TPH2: variants seen among roughly 807,000 people sequenced by gnomAD.
The protein encoded by TPH2 is tryptophan 5-hydroxylase 2.
A neutral mutation model predicts 59.1 loss-of-function variants in TPH2; 27 were observed. The observed-to-expected ratio is 0.46, with a 90% CI of 0.34 to 0.63. The LOEUF is 0.63. Ranked by LOEUF, TPH2 falls within the 30% of genes least tolerant of loss-of-function variation. TPH2 has a pLI of 0.01. For missense variants in TPH2, 523 were observed against 588.3 expected (o/e 0.89, Z 1.15); for synonymous variants, 220 against 210.5 (o/e 1.05, Z -0.39).
rs1873738094 is a variant in TPH2, at chr12:72,032,068, T to C, written c.*373T>C. The C allele has an allele frequency of 4.3e-6, 1 of 231,634 alleles. No individual in the cohort carries two copies. Among genetic ancestry groups the C allele is most frequent in the Non-Finnish European group, 8.7e-6 (1 of 115,340 alleles). The allele number at this position is 231,634 out of a possible 1,614,324, so 14.3% of individuals were successfully genotyped here. A position where few individuals can be genotyped will look rare whatever the true frequency, so the allele number is the denominator to read the frequency against. ...TTTCCTCTGTGTTCATTAGATAAAA[T>C]GAAAAAAAGCAGTGAAGCTGTTTCC... On this transcript the variant is annotated 3_prime_UTR_variant, in exon 11 of 11. Coordinates refer to ENST00000333850, the MANE Select transcript of TPH2 (RefSeq NM_173353.4).
intron 5 of TPH2, among the ~76,000 whole-genome samples, chr12:71,967,181 G>C (rs1473031932): frequency 6.6e-6 from 1 of 152,156 alleles, no homozygotes; most frequent in East Asian, 1.9e-4. Flanking sequence ...CAAAATAACT[G>C]TATCTATACC....
rs149204688 is a variant in TPH2, at chr12:71,950,763, C to T, written c.608+1108C>T. Among the ~76,000 whole-genome samples the T allele has an allele frequency of 8.9e-4, 135 of 152,252 alleles. 4 individuals are homozygous for T. In the East Asian group the frequency reaches 0.014, roughly 16 times the overall value. On this transcript the variant is annotated intron_variant, in intron 5 of 10. Coordinates refer to ENST00000333850, the MANE Select transcript of TPH2 (RefSeq NM_173353.4). The stretch of plus-strand genomic sequence containing the variant: ...ACTGTCCTGTGAGGCGAATTTTTCA[C>T]TGGTGAAAGTTTAGAACATTACGTG...
intron 8 of TPH2, among the ~76,000 whole-genome samples, chr12:72,001,457 C>T (rs1171813165): frequency 1.3e-5 from 2 of 149,558 alleles, no homozygotes; most frequent in African/African-American, 4.9e-5. Context: ...ACAGAGTTCT[C>T]TCTCGTTGCC....
intron 5 of TPH2, among the ~76,000 whole-genome samples, chr12:71,958,565 G>A (rs546792420): frequency 3.3e-5 from 5 of 152,264 alleles, no homozygotes; most frequent in East Asian, 1.9e-4. Context: ...CCTGTTTCTC[G>A]CAGGTTGTTG....
intron 4 of TPH2, among the ~76,000 whole-genome samples, chr12:71,947,856 A>G (rs1871237859): frequency 6.6e-6 from 1 of 152,176 alleles, no homozygotes; most frequent in Non-Finnish European, 1.5e-5. Flanking sequence ...TTTGCAGAAG[A>G]GAGGCAGTTG....
chr12:71,983,068 TA>T (rs57766617), intron 7 of TPH2, among the ~76,000 whole-genome samples: 126,545 of 149,960 alleles, frequency 0.84, 53,359 homozygotes, highest in East Asian at 0.95. Flanking sequence ...TCTATAAAAA[TA>T]AAAAAAAAAA....
intron 7 of TPH2, among the ~76,000 whole-genome samples, chr12:71,987,100 C>T (rs926246051): frequency 6.6e-6 from 1 of 152,144 alleles, no homozygotes; most frequent in Admixed American, 6.5e-5. Flanking sequence ...AGGATTGTCA[C>T]CATTTTACAG....
intron 8 of TPH2, among the ~76,000 whole-genome samples, chr12:71,998,356 A>T (rs1275412397): frequency 6.6e-6 from 1 of 152,194 alleles, no homozygotes; most frequent in South Asian, 2.1e-4. Context: ...TGTGGAGAGT[A>T]TGGAGGAGGA....
At chr12:71,949,492 A>T in intron 4 of TPH2, 96 bp from the exon 5 acceptor site, 1 of 992,314 alleles carries the variant, frequency 1.0e-6, no homozygotes, top group South Asian at 1.3e-5. Flanking sequence ...TTTACATATG[A>T]ATTGAACACT....
intron 8 of TPH2, among the ~76,000 whole-genome samples, chr12:72,007,184 TC>T (rs1335348581): frequency 6.6e-6 from 1 of 150,872 alleles, no homozygotes; most frequent in Non-Finnish European, 1.5e-5. Context: ...AGGTAAGGCC[TC>T]CCCTAAGAGA....
intron 8 of TPH2, among the ~76,000 whole-genome samples, chr12:71,998,727 A>T (rs1337657852): frequency 6.6e-6 from 1 of 152,186 alleles, no homozygotes; most frequent in Non-Finnish European, 1.5e-5. Flanking sequence ...GCCAGATGAG[A>T]AATAGAGGTA....
intron 5 of TPH2, among the ~76,000 whole-genome samples, chr12:71,952,887 C>T (rs1226927917): frequency 6.6e-6 from 1 of 152,198 alleles, no homozygotes; most frequent in African/African-American, 2.4e-5. Context: ...ATAAATGTCA[C>T]TTATATTATT....
chr12:71,961,596 C>T lies in TPH2; in HGVS notation c.609-10923C>T, dbSNP rs561917079. 7 of 1,352,114 alleles carry T rather than the reference C, an allele frequency of 5.2e-6. No homozygotes were observed. In the African/African-American group the frequency reaches 8.8e-5, roughly 17 times the overall value. 83.8% of individuals were successfully genotyped at this position (1,352,114 alleles called of 1,614,324 possible). The stretch of plus-strand genomic sequence containing the variant: ...TGCTATTGGCGACTGGGAATTTCAG[C>T]TCTTTTCTGTATCAAGTTCTTTGAG... On this transcript the variant is annotated intron_variant, in intron 5 of 10. Coordinates refer to ENST00000333850, the MANE Select transcript of TPH2 (RefSeq NM_173353.4).
chr12:71,970,757 C>G (rs1031769663), intron 5 of TPH2, among the ~76,000 whole-genome samples: 1 of 152,182 alleles, frequency 6.6e-6, no homozygotes, highest in Admixed American at 6.5e-5. Flanking sequence ...CTTGATCTTC[C>G]CAGCAAATAT....
Position 71,994,454 on chromosome 12 carries a change from AC to A in TPH2, c.958del (p.Leu320SerfsTer20). The A allele has an allele frequency of 6.2e-7, 1 of 1,613,862 alleles. No individual in the cohort carries two copies. Among genetic ancestry groups the A allele is most frequent in the Non-Finnish European group, 8.5e-7 (1 of 1,179,846 alleles). On this transcript the variant is annotated frameshift_variant, in exon 8 of 11. Coordinates refer to ENST00000333850, the MANE Select transcript of TPH2 (RefSeq NM_173353.4). LOFTEE classifies it high-confidence loss of function. ...TTTTTGTCAGAGACACATGCCATGAACTCTTGGGACATGTTCCACTACTTGC... is the reference window on the plus strand; with the variant it reads ...TTTTTGTCAGAGACACATGCCATGAATCTTGGGACATGTTCCACTACTTGC... The part of the protein sequence containing the change: ...YTPEPDTCHE[L>X]LGHVPLLADP...
intron 8 of TPH2, among the ~76,000 whole-genome samples, chr12:72,015,930 C>T (rs1364638078): frequency 1.3e-5 from 2 of 152,158 alleles, no homozygotes; most frequent in East Asian, 1.9e-4. Context: ...TACACTCATC[C>T]TGGAAATATT....
intron 8 of TPH2, among the ~76,000 whole-genome samples, chr12:72,013,642 AG>A (rs1188908947): frequency 1.4e-4 from 22 of 152,250 alleles, no homozygotes; most frequent in African/African-American, 5.3e-4. Flanking sequence ...TGTTTGTGGT[AG>A]GAGTAAAAAC....
At chr12:71,974,619 T>C (rs1872064807) in intron 6 of TPH2, among the ~76,000 whole-genome samples, 1 of 152,196 alleles carries the variant, frequency 6.6e-6, no homozygotes, top group Admixed American at 6.5e-5. Flanking sequence ...CTGCAAAGTC[T>C]CTTTTGCCAT....
intron 8 of TPH2, among the ~76,000 whole-genome samples, chr12:72,003,046 A>T (rs1393185005): frequency 6.6e-6 from 1 of 152,222 alleles, no homozygotes; most frequent in Non-Finnish European, 1.5e-5. Flanking sequence ...ATTGCTAATT[A>T]ATATTTTCCT....
Sources: allele counts gnomAD v4.1 joint callset (sites outside exome capture counted in the v4.1 genomes callset), GRCh38; gene constraint gnomAD v4.1.1; transcripts MANE v1.5; gene names NCBI Gene and HGNC (gene_info 2026-07-23, HGNC 2026-07-21).